The following ABAT variants were observed in gnomAD, a reference collection of about 807,000 sequenced individuals.
ABAT encodes the protein 4-aminobutyrate aminotransferase.
In ABAT, 45 loss-of-function variants were observed where a neutral mutation model predicts 64.6. That is an observed-to-expected ratio of 0.70 (90% CI 0.55 to 0.89). The LOEUF (loss-of-function observed/expected upper bound fraction) is 0.89. ABAT is among the 40% of genes least tolerant of loss of function. ABAT has a pLI of 0.00. For missense variants in ABAT, 633 were observed against 658.4 expected (o/e 0.96, Z 0.42); for synonymous variants, 297 against 250.5 (o/e 1.19, Z -1.75).
chr16:8,748,178 A>C lies in ABAT; in HGVS notation c.198+41A>C, dbSNP rs746301879. 3 of 1,583,542 alleles carry C rather than the reference A, an allele frequency of 1.9e-6. No homozygotes were observed. In the Admixed American group the frequency reaches 5.0e-5, roughly 26 times the overall value. ...GTAACTTTCCTTCTGTTGCTTCTTT[A>C]TCACAATTGAGCTAAAAGACAGATG... On this transcript the variant is annotated intron_variant, in intron 4 of 15. Transcript: ENST00000268251.
chr16:8,747,665 G>A (rs1456836516), intron 3 of ABAT, among the ~76,000 whole-genome samples: 1 of 152,040 alleles, frequency 6.6e-6, no homozygotes, highest in African/African-American at 2.4e-5. Flanking sequence ...TTTCTGTATA[G>A]GATAAAGTAC....
chr16:8,768,066 A>T (rs1268627691), intron 9 of ABAT, 127 bp from the exon 10 acceptor site: 4 of 972,330 alleles, frequency 4.1e-6, no homozygotes, highest in Non-Finnish European at 6.6e-6. Flanking sequence ...CCCATGGGTA[A>T]CTTTTGCCTG....
At chr16:8,772,979 T>C in intron 12 of ABAT, 62 bp downstream of exon 12, 1 of 1,607,102 alleles carries the variant, frequency 6.2e-7, no homozygotes, top group Non-Finnish European at 8.5e-7. Context: ...GTTCCCCGAG[T>C]AACGGGCCAG....
chr16:8,757,842 A>T, intron 6 of ABAT, 36 bp downstream of exon 6: 1 of 1,600,620 alleles, frequency 6.2e-7, no homozygotes, highest in Non-Finnish European at 8.6e-7. Context: ...AAGACAAAAT[A>T]TGTTCATGGC....
Position 8,781,265 on chromosome 16 carries a change from A to T in ABAT, c.1382-44A>T. 1 of 1,613,382 alleles carries T rather than the reference A, an allele frequency of 6.2e-7. No homozygotes were observed. Among genetic ancestry groups the T allele is most frequent in the Non-Finnish European group, 8.5e-7 (1 of 1,179,844 alleles). On this transcript the variant is annotated intron_variant, in intron 15 of 15. Coordinates refer to ENST00000268251, the MANE Select transcript of ABAT (RefSeq NM_020686.6). The surrounding 1 kb of genome is among the most constrained non-coding windows in gnomAD (Gnocchi z 4.5). ...TTCCCCCCAGCTCTCCCAGCATGTG[A>T]CTTTGAGAAACCACGCTCCTCACCT...
intron 3 of ABAT, 48 bp downstream of exon 3, chr16:8,746,146 C>A: frequency 2.0e-6 from 3 of 1,482,920 alleles, no homozygotes; most frequent in Non-Finnish European, 2.8e-6. Flanking sequence ...GGGAAAAAGG[C>A]GCCTAAGAAG....
chr16:8,710,727 A>AGAGAGAGAGAGAGAGAGGGAGG (rs146344975), intron 1 of ABAT, among the ~76,000 whole-genome samples: 12 of 103,690 alleles, frequency 1.2e-4, no homozygotes, highest in African/African-American at 2.2e-4. Flanking sequence ...AGAGAGAGAG[A>AGAGAGAGAGAGAGAGAGGGAGG]GAGGAAATAG....
chr16:8,763,584 A>G (rs2059857342), intron 6 of ABAT, among the ~76,000 whole-genome samples: 1 of 152,192 alleles, frequency 6.6e-6, no homozygotes, highest in Non-Finnish European at 1.5e-5. Flanking sequence ...TTGTATTTTT[A>G]GCAGAGAAAA....
At chr16:8,712,413 T>C (rs1353757969) in intron 1 of ABAT, among the ~76,000 whole-genome samples, 1 of 152,208 alleles carries the variant, frequency 6.6e-6, no homozygotes, top group Non-Finnish European at 1.5e-5. Context: ...AGGCTAGTAG[T>C]GGGTATATAG....
intron 1 of ABAT, among the ~76,000 whole-genome samples, chr16:8,716,577 C>A (rs1432230487): frequency 6.6e-6 from 1 of 152,114 alleles, no homozygotes; most frequent in African/African-American, 2.4e-5. Context: ...TCAGAAGATC[C>A]CCCCATGTCA....
intron 4 of ABAT, among the ~76,000 whole-genome samples, chr16:8,748,894 A>C (rs548855092): frequency 1.6e-4 from 25 of 151,822 alleles, no homozygotes; most frequent in Non-Finnish European, 3.5e-4. Flanking sequence ...CTTTCAAACT[A>C]TTTGTGTTCT....
rs546406644 is a variant in ABAT at position 8,768,275 on chromosome 16, G to T, written c.667+19G>T. 6.2e-6 allele frequency: 10 copies of T among 1,612,836 alleles called. No individual in the cohort carries two copies. In the South Asian group the frequency reaches 9.9e-5, roughly 16 times the overall value. ...ACCATGGGTAAGGAGGGACCATTGC[G>T]CTCCCAAGGTGGCGTTTAGAATAGT... On this transcript the variant is annotated intron_variant, in intron 10 of 15. Coordinates refer to ENST00000268251, the MANE Select transcript of ABAT (RefSeq NM_020686.6).
At chr16:8,688,303 T>C (rs543089330) in intron 1 of ABAT, among the ~76,000 whole-genome samples, 2 of 152,282 alleles carry the variant, frequency 1.3e-5, no homozygotes, top group South Asian at 2.1e-4. Flanking sequence ...TTTAAGCTTC[T>C]TCACCAAGGT....
intron 14 of ABAT, among the ~76,000 whole-genome samples, chr16:8,778,648 G>T (rs527825809): frequency 6.6e-6 from 1 of 152,006 alleles, no homozygotes; most frequent in Admixed American, 6.6e-5. Flanking sequence ...TGTGATGGCA[G>T]GTGCCTGTAA....
chr16:8,762,141 G>A (rs1237023655), intron 6 of ABAT, among the ~76,000 whole-genome samples: 2 of 152,148 alleles, frequency 1.3e-5, no homozygotes, highest in Non-Finnish European at 2.9e-5. Flanking sequence ...TGGGATTATA[G>A]GCGTGAGCCA....
chr16:8,699,898 C>G (rs551738450), intron 1 of ABAT, among the ~76,000 whole-genome samples: 1 of 152,118 alleles, frequency 6.6e-6, no homozygotes, highest in East Asian at 1.9e-4. Context: ...ACTGCAACCT[C>G]GACCTCTTGG....
intron 6 of ABAT, among the ~76,000 whole-genome samples, chr16:8,758,300 A>C (rs560805675): frequency 6.6e-6 from 1 of 152,220 alleles, no homozygotes; most frequent in Admixed American, 6.5e-5. Flanking sequence ...GAGCTGAGCT[A>C]TTTGGGGATG....
chr16:8,735,122 C>T lies in ABAT; in HGVS notation c.-41-577C>T, dbSNP rs541935112. Among the ~76,000 whole-genome samples the T allele has an allele frequency of 4.2e-4, 61 of 145,206 alleles. No individual in the cohort carries two copies. In the East Asian group the frequency reaches 4.2e-3, roughly 10 times the overall value. On this transcript the variant is annotated intron_variant, in intron 1 of 15. Coordinates refer to ENST00000268251, the MANE Select transcript of ABAT (RefSeq NM_020686.6). ...TCAGGAGGCTGAGGTTGCAGTGAAC[C>T]GAGATCGAGCCACTGCACTCCAGCC...
chr16:8,681,027 G>T (rs2057321502), intron 1 of ABAT, among the ~76,000 whole-genome samples: 1 of 149,814 alleles, frequency 6.7e-6, no homozygotes, highest in African/African-American at 2.5e-5. Flanking sequence ...TGTCACCCAA[G>T]CTGGAGTGCA....
Sources: allele counts gnomAD v4.1 joint callset (sites outside exome capture counted in the v4.1 genomes callset), GRCh38; gene constraint gnomAD v4.1.1; non-coding constraint Gnocchi (gnomAD v3.1); transcripts MANE v1.5; gene names NCBI Gene and HGNC (gene_info 2026-07-23, HGNC 2026-07-21).